CNTN5: variants seen among roughly 807,000 people sequenced by gnomAD.
The protein encoded by CNTN5 is contactin 5.
A neutral mutation model predicts 129.1 loss-of-function variants in CNTN5; 77 were observed. The ratio of observed to expected loss-of-function variants is 0.60; its 90% CI spans 0.50 to 0.72. The LOEUF is 0.72. CNTN5 is among the 30% of genes least tolerant of loss of function. The pLI, the probability that CNTN5 is intolerant of heterozygous loss-of-function variation, is 0.00. For missense variants in CNTN5, 1,478 were observed against 1,328.8 expected (o/e 1.11, Z -1.75); for synonymous variants, 509 against 465.6 (o/e 1.09, Z -1.20).
intron 3 of CNTN5, among the ~76,000 whole-genome samples, chr11:99,731,495 A>G (rs2135100010): frequency 6.6e-6 from 1 of 152,304 alleles, no homozygotes; most frequent in African/African-American, 2.4e-5. Flanking sequence ...ATCAAAATGC[A>G]AATACTTTAC....
intron 6 of CNTN5, among the ~76,000 whole-genome samples, chr11:99,892,017 G>A (rs1022550961): frequency 4.6e-5 from 7 of 152,050 alleles, no homozygotes; most frequent in Admixed American, 3.9e-4. Context: ...TTTAATGATC[G>A]TCATTCTAAC....
chr11:100,112,230 A>G (rs1486877094), intron 13 of CNTN5, among the ~76,000 whole-genome samples: 1 of 152,174 alleles, frequency 6.6e-6, no homozygotes, highest in Non-Finnish European at 1.5e-5. Context: ...CCATTCCAAC[A>G]TCCAAAGAGA....
At chr11:100,174,420 C>T (rs1315932671) in intron 13 of CNTN5, among the ~76,000 whole-genome samples, 2 of 152,048 alleles carry the variant, frequency 1.3e-5, no homozygotes, top group African/African-American at 2.4e-5. Context: ...TTGTTTTCAT[C>T]ACAGAGTCCC....
At chr11:99,484,500 AC>A (rs1205273851) in intron 2 of CNTN5, among the ~76,000 whole-genome samples, 1 of 152,174 alleles carries the variant, frequency 6.6e-6, no homozygotes, top group East Asian at 1.9e-4. Context: ...AAACAGTGTT[AC>A]CATTTGATCT....
At chr11:99,756,563 T>A (rs890949665) in intron 3 of CNTN5, among the ~76,000 whole-genome samples, 1 of 151,818 alleles carries the variant, frequency 6.6e-6, no homozygotes, top group African/African-American at 2.4e-5. Flanking sequence ...GAAATCAGAG[T>A]TGTCTCATTA....
chr11:100,252,711 C>G (rs1465990527), intron 16 of CNTN5, among the ~76,000 whole-genome samples: 1 of 152,162 alleles, frequency 6.6e-6, no homozygotes, highest in African/African-American at 2.4e-5. Context: ...GGCCTCTTCA[C>G]TGACATGTCT....
intron 17 of CNTN5, among the ~76,000 whole-genome samples, chr11:100,264,624 G>T (rs1027675655): frequency 2.0e-4 from 31 of 152,092 alleles, no homozygotes; most frequent in African/African-American, 6.8e-4. Context: ...CCTTTATCCA[G>T]TCTATTATTT....
intron 2 of CNTN5, among the ~76,000 whole-genome samples, chr11:99,475,368 T>A (rs1945331914): frequency 1.3e-5 from 2 of 152,172 alleles, no homozygotes; most frequent in Admixed American, 1.3e-4. Flanking sequence ...AAATAAATCT[T>A]TATTCTTTAA....
Position 100,297,624 on chromosome 11 carries a change from G to T in CNTN5, c.2315-1G>T, listed in dbSNP as rs1175946625. ...CACTCTCCACCCATTTTTATCCACA[G>T]TTCCGAAGACAGCACCCACCAATGT... is the stretch of plus-strand genomic sequence containing the variant. On this transcript the variant is annotated splice_acceptor_variant, in intron 18 of 24. Transcript: ENST00000524871. LOFTEE classifies it high-confidence loss of function. The T allele has an allele frequency of 1.2e-6, 2 of 1,604,974 alleles. No individual in the cohort carries two copies. Among genetic ancestry groups the T allele is most frequent in the East Asian group, 2.2e-5 (1 of 44,622 alleles).
rs75441120 is a variant in CNTN5 at position 100,145,876 on chromosome 11, G to C, written c.1581-45250G>C. Among the ~76,000 whole-genome samples the C allele has an allele frequency of 8.0e-3, 1,223 of 152,160 alleles. 11 individuals are homozygous for C. The highest frequency in any genetic ancestry group is 0.037 in the Middle Eastern group (11 of 294). On this transcript the variant is annotated intron_variant, in intron 13 of 24. Coordinates refer to ENST00000524871, the MANE Select transcript of CNTN5 (RefSeq NM_014361.4). ...GGCTTTTGGTCTGTAAAAGAGTTCTGTGATCGTCCCCAAATCACTCCATTA... is the reference window on the plus strand; with the variant it reads ...GGCTTTTGGTCTGTAAAAGAGTTCTCTGATCGTCCCCAAATCACTCCATTA...
intron 9 of CNTN5, among the ~76,000 whole-genome samples, chr11:100,055,641 C>G (rs995733325): frequency 6.6e-6 from 1 of 151,558 alleles, no homozygotes; most frequent in Admixed American, 6.6e-5. Context: ...TCCATTGCTG[C>G]TGTTGAAAAG....
At chr11:99,623,444 G>T (rs568491068) in intron 3 of CNTN5, among the ~76,000 whole-genome samples, 82 of 152,166 alleles carry the variant, frequency 5.4e-4, no homozygotes, top group African/African-American at 1.9e-3. Flanking sequence ...CAACAGTCTT[G>T]CCAAGCTTAC....
chr11:99,167,770 C>T (rs10892837), intron 1 of CNTN5, among the ~76,000 whole-genome samples: 24,590 of 151,814 alleles, frequency 0.16, 2,135 homozygotes, highest in East Asian at 0.35. Context: ...TAATATGGCT[C>T]CAGTATAACT....
chr11:99,854,743 G>A (rs1013617494), intron 6 of CNTN5, among the ~76,000 whole-genome samples: 7 of 152,046 alleles, frequency 4.6e-5, no homozygotes, highest in African/African-American at 1.7e-4. Context: ...TTGGTGCTCA[G>A]GAAAGGCAGA....
intron 1 of CNTN5, among the ~76,000 whole-genome samples, chr11:99,320,393 T>C (rs1342747579): frequency 6.6e-6 from 1 of 152,178 alleles, no homozygotes; most frequent in Non-Finnish European, 1.5e-5. Flanking sequence ...GCAGGCATAG[T>C]TCCTAGTGTC....
intron 8 of CNTN5, among the ~76,000 whole-genome samples, chr11:99,994,943 A>G (rs958305120): frequency 6.6e-6 from 1 of 152,190 alleles, no homozygotes; most frequent in African/African-American, 2.4e-5. Context: ...CCTGGCAGGT[A>G]TAGTATGGAG....
At chr11:99,643,437 A>G (rs1035439586) in intron 3 of CNTN5, among the ~76,000 whole-genome samples, 4 of 152,158 alleles carry the variant, frequency 2.6e-5, no homozygotes, top group Admixed American at 2.6e-4. Flanking sequence ...GCAATGTATT[A>G]TTCTGGAAAC....
intron 9 of CNTN5, among the ~76,000 whole-genome samples, chr11:100,008,991 C>G (rs936593204): frequency 2.0e-5 from 3 of 152,016 alleles, no homozygotes; most frequent in African/African-American, 7.2e-5. Flanking sequence ...AGCTATAATG[C>G]ACAGATAATT....
At chr11:99,145,986 T>C (rs1859765445) in intron 1 of CNTN5, among the ~76,000 whole-genome samples, 1 of 152,136 alleles carries the variant, frequency 6.6e-6, no homozygotes. Context: ...CCATTTCTTT[T>C]CTATTCTCAC....
Sources: allele counts gnomAD v4.1 joint callset (sites outside exome capture counted in the v4.1 genomes callset), GRCh38; gene constraint gnomAD v4.1.1; transcripts MANE v1.5; gene names NCBI Gene and HGNC (gene_info 2026-07-23, HGNC 2026-07-21).